The following CRPPA variants were observed in gnomAD, a reference collection of about 807,000 sequenced individuals.
CRPPA encodes the protein D-ribitol-5-phosphate cytidylyltransferase.
A neutral mutation model predicts 52.0 loss-of-function variants in CRPPA; 43 were observed. The ratio of observed to expected loss-of-function variants is 0.83; its 90% CI spans 0.65 to 1.07. The LOEUF is 1.07. CRPPA is among the 50% of genes least tolerant of loss of function. CRPPA has a pLI of 0.00. For synonymous variants in CRPPA, 250 were observed against 203.5 expected (o/e 1.23, Z -1.94); for missense variants, 629 against 551.7 (o/e 1.14, Z -1.40).
chr7:16,395,571 T>C (rs1481148519), intron 2 of CRPPA, among the ~76,000 whole-genome samples: 1 of 152,202 alleles, frequency 6.6e-6, no homozygotes, highest in African/African-American at 2.4e-5. Context: ...GACAAATAAA[T>C]TGAACTAAGC....
At position 16,103,951 on chromosome 7, in the gene CRPPA, A is replaced by C. The variant is rs562864877; in HGVS notation, c.1252-12152T>G. ...TTAAATTATAAACTTAATGCAAAAAAAAGAATAAAATGGGCCAATTCAAAC... is the reference window on the plus strand; with the variant it reads ...TTAAATTATAAACTTAATGCAAAAACAAGAATAAAATGGGCCAATTCAAAC... On this transcript the variant is annotated intron_variant, in intron 9 of 9. Coordinates refer to ENST00000407010, the MANE Select transcript of CRPPA (RefSeq NM_001101426.4). Among the ~76,000 whole-genome samples, 10 of 152,304 alleles carry C rather than the reference A, an allele frequency of 6.6e-5. No homozygotes were observed. The South Asian group carries it at 1.9e-3, about 28-fold the overall frequency.
intron 9 of CRPPA, among the ~76,000 whole-genome samples, chr7:16,150,852 G>A (rs1426852555): frequency 6.6e-6 from 1 of 152,210 alleles, no homozygotes; most frequent in African/African-American, 2.4e-5. Flanking sequence ...AAGTGACAGA[G>A]TGGGATACCA....
At chr7:16,126,247 T>C (rs921042841) in intron 9 of CRPPA, among the ~76,000 whole-genome samples, 19 of 152,172 alleles carry the variant, frequency 1.2e-4, no homozygotes, top group African/African-American at 4.6e-4. Context: ...GCAACAAGTA[T>C]GTTTATCTAC....
intron 3 of CRPPA, among the ~76,000 whole-genome samples, chr7:16,316,930 T>A (rs368378913): frequency 3.9e-5 from 6 of 152,306 alleles, no homozygotes; most frequent in African/African-American, 1.2e-4. Flanking sequence ...GTATTATTGC[T>A]ATATTATAAA....
intron 9 of CRPPA, among the ~76,000 whole-genome samples, chr7:16,132,847 C>T (rs1782704376): frequency 8.1e-6 from 1 of 123,398 alleles, no homozygotes; most frequent in Non-Finnish European, 1.8e-5. Flanking sequence ...TAAAATATGC[C>T]CAAATCTATT....
At chr7:16,135,823 A>G (rs1251300857) in intron 9 of CRPPA, among the ~76,000 whole-genome samples, 1 of 152,172 alleles carries the variant, frequency 6.6e-6, no homozygotes, top group African/African-American at 2.4e-5. Flanking sequence ...TTAATCTCCC[A>G]TGAAAAACTA....
At chr7:16,274,398 C>G (rs2128416856) in intron 6 of CRPPA, among the ~76,000 whole-genome samples, 1 of 152,188 alleles carries the variant, frequency 6.6e-6, no homozygotes, top group South Asian at 2.1e-4. Context: ...TGTGGCATAA[C>G]AGGTTTTTAA....
chr7:16,330,557 A>T (rs1240283373), intron 3 of CRPPA, among the ~76,000 whole-genome samples: 1 of 152,108 alleles, frequency 6.6e-6, no homozygotes, highest in East Asian at 1.9e-4. Flanking sequence ...CTCAAATGTA[A>T]TTGACAAATT....
At chr7:16,111,172 A>G (rs1782256399) in intron 9 of CRPPA, among the ~76,000 whole-genome samples, 2 of 152,216 alleles carry the variant, frequency 1.3e-5, no homozygotes. Context: ...CAAGTGTATG[A>G]AAAAATGCTT....
intron 9 of CRPPA, among the ~76,000 whole-genome samples, chr7:16,102,945 C>T (rs918317684): frequency 6.6e-6 from 1 of 152,062 alleles, no homozygotes; most frequent in African/African-American, 2.4e-5. Context: ...CCCAGGAATC[C>T]CATTATTGGG....
intron 8 of CRPPA, 71 bp downstream of exon 8, chr7:16,258,319 T>A: frequency 1.0e-6 from 1 of 981,120 alleles, no homozygotes; most frequent in Non-Finnish European, 1.5e-6. Context: ...GATGAGTTTT[T>A]AAAAATATGT....
chr7:16,409,906 T>G (rs778007289), intron 1 of CRPPA, among the ~76,000 whole-genome samples: 1 of 152,214 alleles, frequency 6.6e-6, no homozygotes, highest in Admixed American at 6.5e-5. Context: ...GCCTTACACC[T>G]AACTCTTAGT....
chr7:16,297,442 A>T (rs1417256289), intron 5 of CRPPA, among the ~76,000 whole-genome samples: 6 of 152,198 alleles, frequency 3.9e-5, no homozygotes. Context: ...GTGGTAAGGC[A>T]GGAGAGAAGG....
chr7:16,147,422 T>C (rs900387193), intron 9 of CRPPA, among the ~76,000 whole-genome samples: 57 of 152,330 alleles, frequency 3.7e-4, no homozygotes, highest in African/African-American at 1.3e-3. Context: ...TAATTATGTG[T>C]GGTTATAATA....
In CRPPA at chr7:16,091,729, T is replaced by G; in HGVS notation, c.1322A>C (p.Asn441Thr). 1.3e-6 allele frequency: 2 copies of G among 1,562,178 alleles called. No individual in the cohort carries two copies. The highest frequency in any genetic ancestry group is 1.7e-6 in the Non-Finnish European group (2 of 1,151,804). Residue 441 changes from asparagine (N) to threonine (T), a missense_variant, in exon 10 of 10, where the codon AAT becomes ACT. Physicochemically the swap from Asn to Thr is moderately conservative, Grantham distance 65. Coordinates refer to ENST00000407010, the MANE Select transcript of CRPPA (RefSeq NM_001101426.4). ...CAGAAGCTGACCAATGAGTCCAGAA[T>G]TTCTTTCCTTGATTAATGAAGCAAT... Reference protein sequence around the residue: ...IIIASLIKERNSGLIGQLLIA With the variant: ...IIIASLIKERTSGLIGQLLIA
intron 9 of CRPPA, among the ~76,000 whole-genome samples, chr7:16,147,376 AC>A (rs1782994232): frequency 6.6e-6 from 1 of 152,110 alleles, no homozygotes; most frequent in Admixed American, 6.5e-5. Context: ...CCAGGGATTA[AC>A]CCCCAAAATC....
At chr7:16,328,947 T>C (rs1211467715) in intron 3 of CRPPA, among the ~76,000 whole-genome samples, 2 of 152,170 alleles carry the variant, frequency 1.3e-5, no homozygotes, top group Non-Finnish European at 2.9e-5. Flanking sequence ...GGACGAAACA[T>C]GGACCCTTTG....
chr7:16,385,786 T>C (rs985079029), intron 2 of CRPPA, among the ~76,000 whole-genome samples: 1 of 152,122 alleles, frequency 6.6e-6, no homozygotes, highest in Non-Finnish European at 1.5e-5. Flanking sequence ...TGACCCCCCC[T>C]CACAGGACCT....
intron 8 of CRPPA, 21 bp from the exon 9 acceptor site, chr7:16,216,218 T>C (rs1175915661): frequency 6.8e-7 from 1 of 1,472,668 alleles, no homozygotes; most frequent in Non-Finnish European, 9.3e-7. Flanking sequence ...TAAAAGACAG[T>C]ATTTAGAATA....
Sources: gnomAD v4.1 joint callset for allele counts (sites outside exome capture counted in the v4.1 genomes callset) on GRCh38, gnomAD v4.1.1 for gene constraint, MANE v1.5 for transcripts, NCBI Gene and HGNC (gene_info 2026-07-23, HGNC 2026-07-21) for gene names.